Variants in TEX10 observed in about 807,000 individuals in gnomAD.
TEX10 encodes the protein testis-expressed protein 10.
TEX10 carries 24 observed loss-of-function variants against 104.4 expected under a neutral mutation model. The observed-to-expected ratio is 0.23, with a 90% CI of 0.17 to 0.32. The LOEUF (loss-of-function observed/expected upper bound fraction) is 0.32. TEX10 is among the 10% of genes least tolerant of loss of function. TEX10 has a pLI of 1.00. For missense variants in TEX10, 921 were observed against 1,083.9 expected (o/e 0.85, Z 2.11); for synonymous variants, 396 against 393.4 (o/e 1.01, Z -0.08).
At chr9:100,350,327 G>A (rs1416162870) in intron 1 of TEX10, among the ~76,000 whole-genome samples, 3 of 152,026 alleles carry the variant, frequency 2.0e-5, no homozygotes, top group Non-Finnish European at 2.9e-5. Flanking sequence ...GGCCCTTTAC[G>A]AAACAGCTCT....
intron 11 of TEX10, among the ~76,000 whole-genome samples, chr9:100,311,075 A>AT (rs374065636): frequency 1.3e-5 from 2 of 152,036 alleles, no homozygotes; most frequent in East Asian, 1.9e-4. Flanking sequence ...TAATGCAATC[A>AT]TTTTTTCCCC....
intron 2 of TEX10, among the ~76,000 whole-genome samples, chr9:100,348,423 A>G (rs770722238): frequency 2.0e-5 from 3 of 152,242 alleles, no homozygotes; most frequent in Non-Finnish European, 4.4e-5. Flanking sequence ...TGTGTAAATT[A>G]TATCTCCATA....
chr9:100,348,883 A>C (rs997707998), intron 2 of TEX10, among the ~76,000 whole-genome samples: 6 of 152,202 alleles, frequency 3.9e-5, no homozygotes, highest in African/African-American at 1.4e-4. Context: ...ATTGTGCTCA[A>C]CATGGTGTAA....
chr9:100,346,642 G>T, intron 3 of TEX10, 52 bp downstream of exon 3: 1 of 1,528,638 alleles, frequency 6.5e-7, no homozygotes, highest in Non-Finnish European at 8.8e-7. Flanking sequence ...ATGGTTAGCA[G>T]TTATAATTCA....
intron 5 of TEX10, among the ~76,000 whole-genome samples, chr9:100,333,724 C>G (rs904883249): frequency 6.6e-6 from 1 of 150,838 alleles, no homozygotes; most frequent in South Asian, 2.1e-4. Flanking sequence ...TTCAAGACTC[C>G]CAATAAAGCT....
At chr9:100,318,709 T>C (rs989400007) in intron 11 of TEX10, among the ~76,000 whole-genome samples, 2 of 152,254 alleles carry the variant, frequency 1.3e-5, no homozygotes, top group African/African-American at 4.8e-5. Flanking sequence ...TATAAGTATT[T>C]GTAACATTTA....
At chr9:100,338,361 G>C (rs1048352742) in intron 5 of TEX10, among the ~76,000 whole-genome samples, 3 of 152,156 alleles carry the variant, frequency 2.0e-5, no homozygotes, top group Non-Finnish European at 4.4e-5. Flanking sequence ...GCTTTTCAGA[G>C]TACTGGGCCC....
intron 8 of TEX10, among the ~76,000 whole-genome samples, 165 bp downstream of exon 8, chr9:100,327,622 T>C (rs1478171323): frequency 6.6e-6 from 1 of 152,118 alleles, no homozygotes; most frequent in African/African-American, 2.4e-5. Context: ...CTAATAAATA[T>C]TGAAAATGAA....
At chr9:100,314,118 C>T (rs1329039323) in intron 11 of TEX10, among the ~76,000 whole-genome samples, 5 of 146,304 alleles carry the variant, frequency 3.4e-5, no homozygotes, top group East Asian at 2.0e-4. Flanking sequence ...GACAGAGTCT[C>T]GCTCTGTCAC....
At position 100,329,154 on chromosome 9, in the gene TEX10, T is replaced by G; in HGVS notation, c.1611A>C (p.Arg537Ser). The change falls in exon 7 of 15, where the codon AGA becomes AGC. Residue 537 changes from arginine (R) to serine (S), a missense_variant. Arg to Ser is a moderately radical substitution (Grantham distance 110). Transcript: ENST00000374902. ...FSKIYQTEEL[R>S]SCRFRYRSKV... ...CAAGATTTTACCTGAATCTACAAGA[T>G]CTCAGTTCTTCTGTCTGATAGATTT... 6.2e-7 allele frequency: 1 copy of G among 1,601,790 alleles called. No individual in the cohort carries two copies. The highest frequency in any genetic ancestry group is 1.1e-5 in the South Asian group (1 of 87,524).
At chr9:100,328,854 G>A (rs1473001444) in intron 7 of TEX10, among the ~76,000 whole-genome samples, 2 of 152,130 alleles carry the variant, frequency 1.3e-5, no homozygotes, top group East Asian at 1.9e-4. Context: ...TTTATGGGAG[G>A]GGAAGAGAAA....
chr9:100,344,848 AAAAT>A (rs1835263343), intron 4 of TEX10, among the ~76,000 whole-genome samples: 1 of 152,234 alleles, frequency 6.6e-6, no homozygotes, highest in Non-Finnish European at 1.5e-5. Context: ...CTATGTCTCA[AAAAT>A]AAAAAGAAAA....
At chr9:100,320,530 G>A in intron 10 of TEX10, 132 bp from the exon 11 acceptor site, 2 of 940,574 alleles carry the variant, frequency 2.1e-6, no homozygotes, top group Non-Finnish European at 3.0e-6. Flanking sequence ...CTGAGCTTCT[G>A]CATTTCATGC....
intron 7 of TEX10, among the ~76,000 whole-genome samples, chr9:100,328,614 A>G (rs1300948142): frequency 1.3e-5 from 2 of 152,210 alleles, no homozygotes; most frequent in Non-Finnish European, 2.9e-5. Context: ...TACAACAACT[A>G]CCTATATATG....
Position 100,306,347 on chromosome 9 carries a change from T to A in TEX10, c.2465+2153A>T, listed in dbSNP as rs984363421. ...CACACTATGTCTAGGGCAGGATAAATAACAAATCTACACTAGGACACATCC... is the reference window on the plus strand; with the variant it reads ...CACACTATGTCTAGGGCAGGATAAAAAACAAATCTACACTAGGACACATCC... On this transcript the variant is annotated intron_variant, in intron 13 of 14. Transcript: ENST00000374902. 20 of 149,934 alleles carry A rather than the reference T, an allele frequency of 1.3e-4. 1 individual carries two copies. Among genetic ancestry groups the A allele is most frequent in the African/African-American group, 2.5e-5 (1 of 40,582 alleles). 9.3% of individuals were successfully genotyped at this position (149,934 alleles called of 1,614,324 possible). A position where few individuals can be genotyped will look rare whatever the true frequency, so the allele number is the denominator to read the frequency against.
chr9:100,352,544 C>A, intron 1 of TEX10: 2 of 1,546,560 alleles, frequency 1.3e-6, no homozygotes, highest in Non-Finnish European at 1.7e-6. Flanking sequence ...ACCAGGCGAA[C>A]CCGCCCAGTC....
intron 9 of TEX10, among the ~76,000 whole-genome samples, chr9:100,324,906 A>G (rs1052468802): frequency 2.6e-5 from 4 of 152,222 alleles, no homozygotes; most frequent in Admixed American, 2.6e-4. Context: ...AACAAAGTGC[A>G]GTTTTTTAAT....
intron 4 of TEX10, among the ~76,000 whole-genome samples, chr9:100,345,572 G>A (rs914389529): frequency 2.0e-5 from 3 of 152,112 alleles, no homozygotes; most frequent in African/African-American, 7.2e-5. Flanking sequence ...CTCCTTGGTT[G>A]CAAAGGAAAA....
Position 100,352,823 on chromosome 9 carries a change from A to G in TEX10, c.-61T>C, listed in dbSNP as rs1244665106. On this transcript the variant is annotated 5_prime_UTR_variant, in exon 1 of 15. Coordinates refer to ENST00000374902, the MANE Select transcript of TEX10 (RefSeq NM_017746.4). ...AGAAGCCCGAGAAGACAAGCGAGGGAGCAGAAGCCCACGGGGCAACAGCGT... is the reference window on the plus strand; with the variant it reads ...AGAAGCCCGAGAAGACAAGCGAGGGGGCAGAAGCCCACGGGGCAACAGCGT... The G allele has an allele frequency of 2.9e-6, 3 of 1,043,460 alleles. No homozygotes were observed. Among genetic ancestry groups the G allele is most frequent in the East Asian group, 1.8e-4 (2 of 11,062 alleles). 64.6% of individuals were successfully genotyped at this position (1,043,460 alleles called of 1,614,324 possible).
Sources: allele counts gnomAD v4.1 joint callset (sites outside exome capture counted in the v4.1 genomes callset), GRCh38; gene constraint gnomAD v4.1.1; transcripts MANE v1.5; gene names NCBI Gene and HGNC (gene_info 2026-07-23, HGNC 2026-07-21).